Variants in TSPYL5 observed in about 807,000 individuals in gnomAD.
TSPYL5 encodes TSPY like 5.
For missense variants in TSPYL5, 556 were observed against 555.5 expected (o/e 1.00, Z -0.01); for synonymous variants, 276 against 236.1 (o/e 1.17, Z -1.55).
rs760347066 is a variant in TSPYL5, at chr8:97,277,517, C to A, written c.328G>T (p.Ala110Ser). Residue 110 changes from alanine to serine, a missense_variant, in exon 1 of 1, where the codon GCA becomes TCA. Transcript: ENST00000322128. This position sits in a 1 kb window ranked among gnomAD's most constrained non-coding sequence, Gnocchi z 4.5. ...GCGGCCAGGCGCTCCGAGAGAGATG[C>A]GGCCTTCCCCGGGCCGGGCCTGGCC... ...AAARPGPGKA[A>S]SLSERLAADT... 8 of 1,511,734 alleles carry A rather than the reference C, an allele frequency of 5.3e-6. No homozygotes were observed. The African/African-American group carries it at 8.4e-5, about 16-fold the overall frequency. The allele number at this position is 1,511,734 out of a possible 1,614,324, so 93.6% of individuals were successfully genotyped here. A position where few individuals can be genotyped will look rare whatever the true frequency, so the allele number is the denominator to read the frequency against.
At position 97,276,622 on chromosome 8, in the gene TSPYL5, G is replaced by A. The variant is rs1327420070; in HGVS notation, c.1223C>T (p.Thr408Ile). ...GGATTGGCTCACCCCAGGCTGAGTAGTCTCCATTGGCTGCTTTCCTGGACC... is the reference window on the plus strand; with the variant it reads ...GGATTGGCTCACCCCAGGCTGAGTAATCTCCATTGGCTGCTTTCCTGGACC... ...RQGPGKQPME[T>I]TQPGVSQSN The change falls in exon 1 of 1, where the codon ACT becomes ATT. Residue 408 changes from threonine (T) to isoleucine (I), a missense_variant. Physicochemically the swap from Thr to Ile is moderately conservative, Grantham distance 89. Coordinates refer to ENST00000322128, the MANE Select transcript of TSPYL5 (RefSeq NM_033512.3). 1 of 1,613,894 alleles carries A rather than the reference G, an allele frequency of 6.2e-7. No individual in the cohort carries two copies. The highest frequency in any genetic ancestry group is 8.5e-7 in the Non-Finnish European group (1 of 1,179,942).
At position 97,276,947 on chromosome 8, in the gene TSPYL5, G is replaced by T; in HGVS notation, c.898C>A (p.Arg300Ser). Residue 300 changes from arginine to serine, a missense_variant, in exon 1 of 1, where the codon CGC becomes AGC. Transcript: ENST00000322128. ...LGYKIKFYFD[R>S]NPYFQNKVLI... ...ACCTTATTTTGGAAATACGGGTTGC[G>T]ATCGAAGTAGAACTTGATTTTGTAG... 1 of 1,614,206 alleles carries T rather than the reference G, an allele frequency of 6.2e-7. No homozygotes were observed. The highest frequency in any genetic ancestry group is 8.5e-7 in the Non-Finnish European group (1 of 1,180,036).
Position 97,277,907 on chromosome 8 carries a change from G to C in TSPYL5, c.-63C>G, listed in dbSNP as rs946878423. The C allele has an allele frequency of 1.4e-5, 19 of 1,326,980 alleles. No individual in the cohort carries two copies. The highest frequency in any genetic ancestry group is 9.6e-7 in the Non-Finnish European group (1 of 1,039,416). The allele number at this position is 1,326,980 out of a possible 1,614,324, so 82.2% of individuals were successfully genotyped here. ...CCTGCGGCTCCTGACGCCAGCTCTC[G>C]GTCGGGACCGAGCGGGTCTCTCCAC... On this transcript the variant is annotated 5_prime_UTR_variant, in exon 1 of 1. Coordinates refer to ENST00000322128, the MANE Select transcript of TSPYL5 (RefSeq NM_033512.3). This position sits in a 1 kb window ranked among gnomAD's most constrained non-coding sequence, Gnocchi z 4.5.
In TSPYL5 at chr8:97,276,486, A is replaced by T; in HGVS notation, c.*105T>A. On this transcript the variant is annotated 3_prime_UTR_variant, in exon 1 of 1. Transcript: ENST00000322128. Reference sequence around the variant, plus strand: ...CCATATTCTTGTAACTAAAGTCCAAAGGGTCTATAGTACACAGAGGCCAAC... The same window carrying T: ...CCATATTCTTGTAACTAAAGTCCAATGGGTCTATAGTACACAGAGGCCAAC... 5 of 1,363,006 alleles carry T rather than the reference A, an allele frequency of 3.7e-6. No homozygotes were observed. The South Asian group carries it at 7.1e-5, about 19-fold the overall frequency. The allele number at this position is 1,363,006 out of a possible 1,614,324, so 84.4% of individuals were successfully genotyped here.
chr8:97,277,322 C>A lies in TSPYL5; in HGVS notation c.523G>T (p.Glu175Ter), dbSNP rs757733091. 6.2e-7 allele frequency: 1 copy of A among 1,609,946 alleles called. No individual in the cohort carries two copies. The highest frequency in any genetic ancestry group is 8.5e-7 in the Non-Finnish European group (1 of 1,177,716). ...GGRQKKGAAGENTSVSAGEEK... is the reference protein window; with the variant it reads ...GGRQKKGAAG Reference sequence around the variant, plus strand: ...TCCCCAGCTGACACCGAGGTATTCTCCCCTGCCGCCCCTTTCTTCTGCCTC... The same window carrying A: ...TCCCCAGCTGACACCGAGGTATTCTACCCTGCCGCCCCTTTCTTCTGCCTC... Residue 175 changes from glutamate (E) to a stop codon, truncating the protein, a stop_gained, in exon 1 of 1, where the codon GAG becomes TAG. Coordinates refer to ENST00000322128, the MANE Select transcript of TSPYL5 (RefSeq NM_033512.3). LOFTEE classifies it low-confidence loss of function (END_TRUNC). This position sits in a 1 kb window ranked among gnomAD's most constrained non-coding sequence, Gnocchi z 4.5.
At position 97,274,934 on chromosome 8, in the gene TSPYL5, G is replaced by A. The variant is rs768323001; in HGVS notation, c.*1657C>T. The A allele has an allele frequency of 6.6e-6, 1 of 152,498 alleles. No homozygotes were observed. The highest frequency in any genetic ancestry group is 1.5e-5 in the Non-Finnish European group (1 of 68,052). 9.4% of individuals were successfully genotyped at this position (152,498 alleles called of 1,614,324 possible). A position where few individuals can be genotyped will look rare whatever the true frequency, so the allele number is the denominator to read the frequency against. ...ATATTGGAGACTAAAGCCCACTCCTGGGGCTATTTGAGGTAGAAGCAAAGA... is the reference window on the plus strand; with the variant it reads ...ATATTGGAGACTAAAGCCCACTCCTAGGGCTATTTGAGGTAGAAGCAAAGA... On this transcript the variant is annotated 3_prime_UTR_variant, in exon 1 of 1. Coordinates refer to ENST00000322128, the MANE Select transcript of TSPYL5 (RefSeq NM_033512.3).
Position 97,277,789 on chromosome 8 carries a change from C to G in TSPYL5, c.56G>C (p.Gly19Ala). Residue 19 changes from glycine (G) to alanine (A), a missense_variant, in exon 1 of 1, where the codon GGC becomes GCC. By Grantham distance (60) the Gly-to-Ala change is moderately conservative (BLOSUM62 0). Transcript: ENST00000322128. The surrounding 1 kb of genome is among the most constrained non-coding windows in gnomAD (Gnocchi z 4.5). Reference sequence around the variant, plus strand: ...AGGGCGGACTCGGGCTTTGGCGCGGCCTTTGCCCCGGTTTTTGGCGCGGGA... The same window carrying G: ...AGGGCGGACTCGGGCTTTGGCGCGGGCTTTGCCCCGGTTTTTGGCGCGGGA... ...KSSRAKNRGK[G>A]RAKARVRPAP... 1.3e-6 allele frequency: 2 copies of G among 1,493,296 alleles called. No individual in the cohort carries two copies. The highest frequency in any genetic ancestry group is 1.8e-6 in the Non-Finnish European group (2 of 1,128,360). 92.5% of individuals were successfully genotyped at this position (1,493,296 alleles called of 1,614,324 possible).
In TSPYL5 at chr8:97,273,894, T is replaced by C; in HGVS notation, c.*2697A>G. On this transcript the variant is annotated 3_prime_UTR_variant, in exon 1 of 1. Transcript: ENST00000322128. ...CCTCTCATTTCTTTTTGAGACTCCT[T>C]GTTAATTCTTAAAACACATTTCTAA... 6.6e-6 allele frequency: 1 copy of C among 152,232 alleles called. No individual in the cohort carries two copies. The highest frequency in any genetic ancestry group is 1.9e-4 in the East Asian group (1 of 5,204). The allele number at this position is 152,232 out of a possible 1,614,324, so 9.4% of individuals were successfully genotyped here.
At position 97,277,787 on chromosome 8, in the gene TSPYL5, G is replaced by A; in HGVS notation, c.58C>T (p.Arg20Cys). Residue 20 changes from arginine to cysteine, a missense_variant, in exon 1 of 1, where the codon CGC (arginine) becomes TGC (cysteine). Physicochemically the swap from Arg to Cys is radical, Grantham distance 180. Coordinates refer to ENST00000322128, the MANE Select transcript of TSPYL5 (RefSeq NM_033512.3). This position sits in a 1 kb window ranked among gnomAD's most constrained non-coding sequence, Gnocchi z 4.5. The stretch of plus-strand genomic sequence containing the variant: ...GCAGGGCGGACTCGGGCTTTGGCGC[G>A]GCCTTTGCCCCGGTTTTTGGCGCGG... ...SSRAKNRGKGRAKARVRPAPD... is the reference protein window; with the variant it reads ...SSRAKNRGKGCAKARVRPAPD... 2 of 1,501,292 alleles carry A rather than the reference G, an allele frequency of 1.3e-6. No homozygotes were observed. The highest frequency in any genetic ancestry group is 2.6e-5 in the South Asian group (2 of 76,824). The allele number at this position is 1,501,292 out of a possible 1,614,324, so 93.0% of individuals were successfully genotyped here.
chr8:97,273,886 A>T lies in TSPYL5; in HGVS notation c.*2705T>A, dbSNP rs1037364879. 1 of 152,198 alleles carries T rather than the reference A, an allele frequency of 6.6e-6. No homozygotes were observed. Among genetic ancestry groups the T allele is most frequent in the African/African-American group, 2.4e-5 (1 of 41,454 alleles). 9.4% of individuals were successfully genotyped at this position (152,198 alleles called of 1,614,324 possible). On this transcript the variant is annotated 3_prime_UTR_variant, in exon 1 of 1. Coordinates refer to ENST00000322128, the MANE Select transcript of TSPYL5 (RefSeq NM_033512.3). ...GAAGCATCCCTCTCATTTCTTTTTGAGACTCCTTGTTAATTCTTAAAACAC... is the reference window on the plus strand; with the variant it reads ...GAAGCATCCCTCTCATTTCTTTTTGTGACTCCTTGTTAATTCTTAAAACAC...
Position 97,276,997 on chromosome 8 carries a change from T to C in TSPYL5, c.848A>G (p.Glu283Gly). ...GCCCAATCTGGCAAGGCCGAGCTCTTCCACTTCCAAGCTGTTTAAGTAGCT... is the reference window on the plus strand; with the variant it reads ...GCCCAATCTGGCAAGGCCGAGCTCTCCCACTTCCAAGCTGTTTAAGTAGCT... ...VLSYLNSLEV[E>G]ELGLARLGYK... Residue 283 changes from glutamate (E) to glycine (G), a missense_variant, in exon 1 of 1, where the codon GAA becomes GGA. By Grantham distance (98) the Glu-to-Gly change is moderately conservative. Transcript: ENST00000322128. The C allele has an allele frequency of 6.2e-7, 1 of 1,614,220 alleles. No individual in the cohort carries two copies. The highest frequency in any genetic ancestry group is 8.5e-7 in the Non-Finnish European group (1 of 1,180,036).
At position 97,274,942 on chromosome 8, in the gene TSPYL5, T is replaced by C. The variant is rs1315906405; in HGVS notation, c.*1649A>G. 2.6e-5 allele frequency: 4 copies of C among 152,362 alleles called. No individual in the cohort carries two copies. Among genetic ancestry groups the C allele is most frequent in the East Asian group, 1.9e-4 (1 of 5,176 alleles). 9.4% of individuals were successfully genotyped at this position (152,362 alleles called of 1,614,324 possible). ...GACTAAAGCCCACTCCTGGGGCTAT[T>C]TGAGGTAGAAGCAAAGAGAGCAAAG... On this transcript the variant is annotated 3_prime_UTR_variant, in exon 1 of 1. Coordinates refer to ENST00000322128, the MANE Select transcript of TSPYL5 (RefSeq NM_033512.3).
In TSPYL5 at chr8:97,275,709, A is replaced by T. The variant is rs976243632; in HGVS notation, c.*882T>A. ...CAGCCCGCCCATCAGTCTGGCAGCC[A>T]GTAGGGTTCCTGGAAAGCTGGGGAG... On this transcript the variant is annotated 3_prime_UTR_variant, in exon 1 of 1. Transcript: ENST00000322128. 5 of 152,356 alleles carry T rather than the reference A, an allele frequency of 3.3e-5. No homozygotes were observed. Among genetic ancestry groups the T allele is most frequent in the Non-Finnish European group, 5.9e-5 (4 of 68,208 alleles). 9.4% of individuals were successfully genotyped at this position (152,356 alleles called of 1,614,324 possible).
rs777885903 is a variant in TSPYL5 at position 97,277,494 on chromosome 8, G to T, written c.351C>A (p.Ala117=). 3.9e-6 allele frequency: 6 copies of T among 1,521,226 alleles called. No individual in the cohort carries two copies. The highest frequency in any genetic ancestry group is 5.3e-6 in the Non-Finnish European group (6 of 1,137,044). The allele number at this position is 1,521,226 out of a possible 1,614,324, so 94.2% of individuals were successfully genotyped here. Reference sequence around the variant, plus strand: ...CTGTTCCCACGAAGACAGTGTCTGCGGCCAGGCGCTCCGAGAGAGATGCGG... The same window carrying T: ...CTGTTCCCACGAAGACAGTGTCTGCTGCCAGGCGCTCCGAGAGAGATGCGG... ...GKAASLSERL[A]ADTVFVGTAG... is the part of the protein sequence containing the mutation. The change falls in exon 1 of 1, where the codon GCC becomes GCA. Residue 117 remains alanine, a synonymous_variant. Coordinates refer to ENST00000322128, the MANE Select transcript of TSPYL5 (RefSeq NM_033512.3). This position sits in a 1 kb window ranked among gnomAD's most constrained non-coding sequence, Gnocchi z 4.5.
At position 97,277,445 on chromosome 8, in the gene TSPYL5, T is replaced by A; in HGVS notation, c.400A>T (p.Asn134Tyr). 6.5e-7 allele frequency: 1 copy of A among 1,542,194 alleles called. No homozygotes were observed. The highest frequency in any genetic ancestry group is 8.7e-7 in the Non-Finnish European group (1 of 1,148,918). Residue 134 changes from asparagine to tyrosine, a missense_variant, in exon 1 of 1, where the codon AAT (asparagine) becomes TAT (tyrosine). By Grantham distance (143) the Asn-to-Tyr change is moderately radical. Coordinates refer to ENST00000322128, the MANE Select transcript of TSPYL5 (RefSeq NM_033512.3). This position sits in a 1 kb window ranked among gnomAD's most constrained non-coding sequence, Gnocchi z 4.5. ...GTAGTVGRPK[N>Y]APRVGNRRGP... ...CGCCGGTTTCCAACGCGGGGGGCAT[T>A]TTTCGGCCTTCCCACGGTTCCCGCT...
Position 97,277,367 on chromosome 8 carries a change from G to A in TSPYL5, c.478C>T (p.Pro160Ser), listed in dbSNP as rs762587723. 6 of 1,603,072 alleles carry A rather than the reference G, an allele frequency of 3.7e-6. No individual in the cohort carries two copies. The African/African-American group carries it at 6.7e-5, about 18-fold the overall frequency. Reference protein sequence around the residue: ...PETCSTAGRGPQVIAGGRQKK... With the variant: ...PETCSTAGRGSQVIAGGRQKK... The stretch of plus-strand genomic sequence containing the variant: ...TGCCTCCCACCAGCTATGACCTGAG[G>A]CCCCCTCCCCGCGGTGCTACAGGTT... The change falls in exon 1 of 1, where the codon CCT (proline) becomes TCT (serine). Residue 160 changes from proline (P) to serine (S), a missense_variant. By Grantham distance (74) the Pro-to-Ser change is moderately conservative. Transcript: ENST00000322128. The surrounding 1 kb of genome is among the most constrained non-coding windows in gnomAD (Gnocchi z 4.5).
chr8:97,277,641 C>G lies in TSPYL5; in HGVS notation c.204G>C (p.Ala68=), dbSNP rs768280093. The change falls in exon 1 of 1, where the codon GCG becomes GCC. Residue 68 remains alanine (A), a synonymous_variant. Transcript: ENST00000322128. The surrounding 1 kb of genome is among the most constrained non-coding windows in gnomAD (Gnocchi z 4.5). ...GWGGLEAAAS[A]QLLRLGEEAA... ...CCTCCTCCCCGAGCCGGAGGAGCTG[C>G]GCGGACGCAGCGGCTTCCAGGCCAC... The G allele has an allele frequency of 2.1e-6, 3 of 1,457,848 alleles. No homozygotes were observed. The East Asian group carries it at 8.7e-5, about 42-fold the overall frequency. 90.3% of individuals were successfully genotyped at this position (1,457,848 alleles called of 1,614,324 possible). A position where few individuals can be genotyped will look rare whatever the true frequency, so the allele number is the denominator to read the frequency against.
In TSPYL5 at chr8:97,276,846, C is replaced by G. The variant is rs747137548; in HGVS notation, c.999G>C (p.Gly333=). 44 of 1,614,138 alleles carry G rather than the reference C, an allele frequency of 2.7e-5. No homozygotes were observed. In the East Asian group the frequency reaches 7.4e-4, roughly 27 times the overall value. The change falls in exon 1 of 1, where the codon GGG becomes GGC. Residue 333 remains glycine, a synonymous_variant. Transcript: ENST00000322128. The part of the protein sequence containing the change: ...SRSTPIQWLP[G]HDLQSLSQGN... Reference sequence around the variant, plus strand: ...CCTGGCTTAGGGACTGGAGATCATGCCCTGGGAGCCACTGGATTGGAGTAG... The same window carrying G: ...CCTGGCTTAGGGACTGGAGATCATGGCCTGGGAGCCACTGGATTGGAGTAG...
Position 97,276,837 on chromosome 8 carries a change from G to T in TSPYL5, c.1008C>A (p.Leu336=). 1 of 1,614,162 alleles carries T rather than the reference G, an allele frequency of 6.2e-7. No individual in the cohort carries two copies. The highest frequency in any genetic ancestry group is 8.5e-7 in the Non-Finnish European group (1 of 1,180,026). ...CTGGGTTTCCCTGGCTTAGGGACTG[G>T]AGATCATGCCCTGGGAGCCACTGGA... The part of the protein sequence containing the change: ...TPIQWLPGHD[L]QSLSQGNPEN... Residue 336 remains leucine (L), a synonymous_variant, in exon 1 of 1, where the codon CTC becomes CTA. Coordinates refer to ENST00000322128, the MANE Select transcript of TSPYL5 (RefSeq NM_033512.3).
Sources: gnomAD v4.1 joint callset for allele counts on GRCh38, gnomAD v4.1.1 for gene constraint, Gnocchi (gnomAD v3.1) non-coding constraint, MANE v1.5 for transcripts, NCBI Gene and HGNC (gene_info 2026-07-23, HGNC 2026-07-21) for gene names.